The following PIEZO2 variants were observed in gnomAD, a reference collection of about 807,000 sequenced individuals.
PIEZO2 encodes the protein piezo-type mechanosensitive ion channel component 2.
A neutral mutation model predicts 337.3 loss-of-function variants in PIEZO2; 172 were observed. The observed-to-expected ratio is 0.51, with a 90% CI of 0.45 to 0.58. The LOEUF is 0.58. Among genes scored for constraint, PIEZO2 ranks in the 20% least tolerant of loss-of-function variants. PIEZO2 has a pLI of 0.00. For missense variants in PIEZO2, 3,028 were observed against 3,391.3 expected (o/e 0.89, Z 2.66); for synonymous variants, 1,251 against 1,228.5 (o/e 1.02, Z -0.38).
rs181523658 is a variant in PIEZO2 at position 10,736,677 on chromosome 18, G to C, written c.4742C>G (p.Thr1581Arg). ...TTCCTCTTCCTCCTCTTCACTATCC[G>C]TTTCAAACAAATAATAATCTCCACT... Reference protein sequence around the residue: ...VRSGDYYLFETDSEEEEEEEL... With the variant: ...VRSGDYYLFERDSEEEEEEEL... Residue 1581 changes from threonine (T) to arginine (R), a missense_variant, in exon 34 of 56, where the codon ACG becomes AGG. Transcript: ENST00000674853. The C allele has an allele frequency of 4.6e-6, 7 of 1,536,538 alleles. No homozygotes were observed. The highest frequency in any genetic ancestry group is 6.1e-6 in the Non-Finnish European group (7 of 1,146,654).
Position 11,066,060 on chromosome 18 carries a change from C to A in PIEZO2, c.160+67G>T, listed in dbSNP as rs537081098. 4.0e-5 allele frequency: 53 copies of A among 1,329,108 alleles called. No homozygotes were observed. In the African/African-American group the frequency reaches 7.3e-4, roughly 18 times the overall value. 82.3% of individuals were successfully genotyped at this position (1,329,108 alleles called of 1,614,324 possible). On this transcript the variant is annotated intron_variant, in intron 2 of 55. Transcript: ENST00000674853. ...CTCTGCCATTAGATAAAGGCCATCC[C>A]AAGGAGCCCAGCAAAATACATTCAG...
At position 10,859,532 on chromosome 18, in the gene PIEZO2, T is replaced by C. The variant is rs1020715862; in HGVS notation, c.493-2321A>G. ...GAGAGAACAGCCCAGCCATCCTGGC[T>C]CTCTCTCCTGCATCACAATGTGCTT... is the stretch of plus-strand genomic sequence containing the variant. On this transcript the variant is annotated intron_variant, in intron 5 of 55. Coordinates refer to ENST00000674853, the MANE Select transcript of PIEZO2 (RefSeq NM_001378183.1). This position sits in a 1 kb window ranked among gnomAD's most constrained non-coding sequence, Gnocchi z 4.9. 3.3e-5 allele frequency among the ~76,000 whole-genome samples: 5 copies of C among 152,184 alleles called. No homozygotes were observed. The highest frequency in any genetic ancestry group is 5.9e-5 in the Non-Finnish European group (4 of 68,026).
chr18:10,737,280 C>G (rs557351453), intron 33 of PIEZO2, among the ~76,000 whole-genome samples: 1 of 70,942 alleles, frequency 1.4e-5, no homozygotes, highest in Non-Finnish European at 2.5e-5. Context: ...CATGGCAAGA[C>G]ATTTGAAAAA....
intron 28 of PIEZO2, among the ~76,000 whole-genome samples, chr18:10,751,722 T>C (rs1248269350): frequency 2.0e-5 from 3 of 152,174 alleles, no homozygotes; most frequent in Admixed American, 6.5e-5. Flanking sequence ...GCAACAGCAG[T>C]TACAGCCTGG....
At chr18:10,678,360 T>C (rs1006442637) in intron 52 of PIEZO2, among the ~76,000 whole-genome samples, 2 of 152,208 alleles carry the variant, frequency 1.3e-5, no homozygotes, top group East Asian at 1.9e-4. Flanking sequence ...TTGTACAGAA[T>C]TGGATATAAG....
Position 10,681,792 on chromosome 18 carries a change from G to A in PIEZO2, c.7687-39C>T, listed in dbSNP as rs748517445. ...AGAACAGTGTTGTCAATATTCCCCA[G>A]CTCTTCTCTGCATCCTGAGTCAAAA... On this transcript the variant is annotated intron_variant, in intron 50 of 55. Coordinates refer to ENST00000674853, the MANE Select transcript of PIEZO2 (RefSeq NM_001378183.1). 36 of 1,472,992 alleles carry A rather than the reference G, an allele frequency of 2.4e-5. 2 individuals carry two copies. The South Asian group carries it at 4.0e-4, about 16-fold the overall frequency. The allele number at this position is 1,472,992 out of a possible 1,614,324, so 91.2% of individuals were successfully genotyped here. A position where few individuals can be genotyped will look rare whatever the true frequency, so the allele number is the denominator to read the frequency against.
chr18:10,775,639 A>C lies in PIEZO2; in HGVS notation c.2535-1601T>G, dbSNP rs938051796. ...CTACAGCTACACAGCAGATGTCCTT[A>C]AGCAACGATGCCCCCAAACTGCCAT... On this transcript the variant is annotated intron_variant, in intron 18 of 55. Transcript: ENST00000674853. The surrounding 1 kb of genome is among the most constrained non-coding windows in gnomAD (Gnocchi z 4.3). Among the ~76,000 whole-genome samples, 1 of 152,238 alleles carries C rather than the reference A, an allele frequency of 6.6e-6. No homozygotes were observed. Among genetic ancestry groups the C allele is most frequent in the African/African-American group, 2.4e-5 (1 of 41,468 alleles).
At chr18:10,785,265 T>A (rs1488053659) in intron 16 of PIEZO2, among the ~76,000 whole-genome samples, 3 of 152,212 alleles carry the variant, frequency 2.0e-5, no homozygotes, top group Non-Finnish European at 4.4e-5. Flanking sequence ...TGGTTTCTTG[T>A]TCCTCCATGA....
chr18:10,881,464 A>G (rs764231089), intron 4 of PIEZO2, among the ~76,000 whole-genome samples: 80 of 152,190 alleles, frequency 5.3e-4, no homozygotes, highest in Non-Finnish European at 1.8e-4. Flanking sequence ...AGGTGAGAGT[A>G]GGATGCCGGG....
chr18:10,737,037 G>T (rs547734246), intron 33 of PIEZO2, among the ~76,000 whole-genome samples: 49 of 152,240 alleles, frequency 3.2e-4, no homozygotes, highest in Non-Finnish European at 5.9e-4. Flanking sequence ...AGCCAGTTTT[G>T]TTATCTAGAT....
intron 27 of PIEZO2, among the ~76,000 whole-genome samples, chr18:10,754,845 G>A (rs1395911130): frequency 6.6e-6 from 1 of 152,104 alleles, no homozygotes; most frequent in Non-Finnish European, 1.5e-5. Context: ...TTTGGGAGCT[G>A]GATTGCTTGA....
intron 49 of PIEZO2, among the ~76,000 whole-genome samples, chr18:10,685,214 G>C (rs1361535484): frequency 6.6e-6 from 1 of 152,192 alleles, no homozygotes; most frequent in Non-Finnish European, 1.5e-5. Context: ...TTACTGTTAA[G>C]AGCAGCTTAT....
chr18:10,840,631 TAAAAAA>T, intron 7 of PIEZO2, among the ~76,000 whole-genome samples: 1 of 147,554 alleles, frequency 6.8e-6, no homozygotes, highest in Non-Finnish European at 1.5e-5. Context: ...CTTTTGACAA[TAAAAAA>T]AAAAGATTTC....
intron 1 of PIEZO2, among the ~76,000 whole-genome samples, chr18:11,118,769 C>CAG (rs1407277129): frequency 2.1e-5 from 3 of 141,028 alleles, no homozygotes; most frequent in East Asian, 2.1e-4. Context: ...GAAAAAAAAA[C>CAG]AGAGAGAGAG....
chr18:10,919,626 G>T (rs9964593), intron 3 of PIEZO2, among the ~76,000 whole-genome samples: 1 of 151,918 alleles, frequency 6.6e-6, no homozygotes, highest in Non-Finnish European at 1.5e-5. Flanking sequence ...ATCTATGCAT[G>T]GAGGGTACTG....
At chr18:11,075,995 C>G (rs936256683) in intron 1 of PIEZO2, among the ~76,000 whole-genome samples, 1 of 152,064 alleles carries the variant, frequency 6.6e-6, no homozygotes, top group Non-Finnish European at 1.5e-5. Context: ...ACTGTGTTAT[C>G]CAGGATGGCC....
intron 49 of PIEZO2, among the ~76,000 whole-genome samples, chr18:10,687,187 A>G (rs866052761): frequency 1.3e-5 from 2 of 152,090 alleles, no homozygotes; most frequent in Non-Finnish European, 2.9e-5. Context: ...TTACATAGTT[A>G]AAAGTGTGCC....
At chr18:11,087,802 C>T (rs1443822317) in intron 1 of PIEZO2, among the ~76,000 whole-genome samples, 2 of 152,268 alleles carry the variant, frequency 1.3e-5, no homozygotes, top group Non-Finnish European at 2.9e-5. Flanking sequence ...TCAAGGCACG[C>T]CAATCAAGTG....
rs16975571 is a variant in PIEZO2 at position 10,924,560 on chromosome 18, G to A, written c.287-13332C>T. ...TGTTGCGGCCCCACACGTGTGCTAA[G>A]GACACAAAATGACTGAGAAAAGTAG... On this transcript the variant is annotated intron_variant, in intron 3 of 55. Transcript: ENST00000674853. Among the ~76,000 whole-genome samples, 5 of 152,052 alleles carry A rather than the reference G, an allele frequency of 3.3e-5. No homozygotes were observed. In the East Asian group the frequency reaches 9.6e-4, roughly 29 times the overall value.
Sources: allele counts gnomAD v4.1 joint callset (sites outside exome capture counted in the v4.1 genomes callset), GRCh38; gene constraint gnomAD v4.1.1; non-coding constraint Gnocchi (gnomAD v3.1); transcripts MANE v1.5; gene names NCBI Gene and HGNC (gene_info 2026-07-23, HGNC 2026-07-21).